Variants in CADPS observed in about 807,000 individuals in gnomAD.
The protein encoded by CADPS is calcium-dependent secretion activator 1.
In CADPS, 57 loss-of-function variants were observed where a neutral mutation model predicts 167.3. That is an observed-to-expected ratio of 0.34 (90% CI 0.28 to 0.42). The LOEUF (loss-of-function observed/expected upper bound fraction) is 0.42. CADPS is among the 20% of genes least tolerant of loss of function. The probability of loss-of-function intolerance (pLI) is 1.00; values close to 1 mark genes in which losing one functional copy is unlikely to be tolerated. For missense variants in CADPS, 1,414 were observed against 1,738.1 expected (o/e 0.81, Z 3.32); for synonymous variants, 676 against 635.3 (o/e 1.06, Z -0.96).
intron 1 of CADPS, among the ~76,000 whole-genome samples, chr3:62,865,705 T>C (rs1328902591): frequency 3.9e-5 from 6 of 152,234 alleles, no homozygotes; most frequent in Admixed American, 3.3e-4. Context: ...TAAGAAGCAG[T>C]TTTACTTTTT....
At chr3:62,747,818 G>T (rs1158150804) in intron 3 of CADPS, among the ~76,000 whole-genome samples, 1 of 152,064 alleles carries the variant, frequency 6.6e-6, no homozygotes, top group Non-Finnish European at 1.5e-5. Context: ...TGCCAGTTGG[G>T]CACATGTAAT....
intron 6 of CADPS, among the ~76,000 whole-genome samples, chr3:62,595,488 T>A (rs1246413242): frequency 6.6e-6 from 1 of 152,190 alleles, no homozygotes; most frequent in Non-Finnish European, 1.5e-5. Context: ...TCCTCAGCTA[T>A]AAAATAAGCT....
intron 2 of CADPS, among the ~76,000 whole-genome samples, chr3:62,761,187 C>T (rs965476070): frequency 1.7e-4 from 26 of 152,134 alleles, no homozygotes; most frequent in African/African-American, 6.0e-4. Context: ...AACAACAATA[C>T]TGGCAACAAC....
chr3:62,419,270 C>G (rs549912935), intron 28 of CADPS, among the ~76,000 whole-genome samples: 1 of 152,120 alleles, frequency 6.6e-6, no homozygotes, highest in Non-Finnish European at 1.5e-5. Flanking sequence ...GGCAGGTGTG[C>G]AGTTTGGGCA....
intron 8 of CADPS, among the ~76,000 whole-genome samples, chr3:62,575,388 C>T (rs926425983): frequency 6.6e-6 from 1 of 152,152 alleles, no homozygotes; most frequent in East Asian, 1.9e-4. Context: ...GATTCATGTG[C>T]AAACTTGGGC....
intron 3 of CADPS, among the ~76,000 whole-genome samples, chr3:62,689,254 T>C (rs1267586476): frequency 6.6e-6 from 1 of 152,084 alleles, no homozygotes; most frequent in Non-Finnish European, 1.5e-5. Flanking sequence ...ATTCCTCCAT[T>C]CCATTTATTT....
In CADPS at chr3:62,466,390, G is replaced by A. The variant is rs372813406; in HGVS notation, c.3501C>T (p.Asp1167=). Residue 1167 remains aspartate (D), a synonymous_variant, in exon 25 of 30, where the codon GAC becomes GAT. Transcript: ENST00000383710. ...GQEHQYHSKI[D]ELIEETVKEM... ...CTTTAACAGTTTCTTCAATTAGTTC[G>A]TCTATTTTTGAATGGTATTGATGCT... The A allele has an allele frequency of 4.7e-5, 75 of 1,610,376 alleles. No homozygotes were observed. In the Middle Eastern group the frequency reaches 5.0e-4, roughly 11 times the overall value.
In CADPS at chr3:62,549,946, C is replaced by T; in HGVS notation, c.1923G>A (p.Lys641=). The change falls in exon 11 of 30, where the codon AAG becomes AAA. Residue 641 remains lysine, a synonymous_variant. Coordinates refer to ENST00000383710, the MANE Select transcript of CADPS (RefSeq NM_003716.4). ...CATCCAGCTGAGGTACATTTCCTCC[C>T]TTGGCGTTGAGTTTCTGGACTTGGG... ...PPTQVQKLNA[K]GGNVPQLDAP... 2.5e-6 allele frequency: 4 copies of T among 1,614,100 alleles called. No homozygotes were observed. The highest frequency in any genetic ancestry group is 3.4e-6 in the Non-Finnish European group (4 of 1,179,966).
intron 1 of CADPS, among the ~76,000 whole-genome samples, chr3:62,853,119 C>T (rs2078958999): frequency 6.6e-6 from 1 of 152,068 alleles, no homozygotes; most frequent in African/African-American, 2.4e-5. Context: ...AGCTGAATTC[C>T]TAAGTGAACA....
At chr3:62,825,210 G>A (rs1352971216) in intron 1 of CADPS, among the ~76,000 whole-genome samples, 1 of 152,130 alleles carries the variant, frequency 6.6e-6, no homozygotes, top group South Asian at 2.1e-4. Context: ...GGTGGGAGGG[G>A]CACCTTTTCC....
intron 13 of CADPS, among the ~76,000 whole-genome samples, chr3:62,520,783 A>G (rs1362663782): frequency 6.6e-6 from 1 of 152,220 alleles, no homozygotes; most frequent in Non-Finnish European, 1.5e-5. Context: ...AGGAATAACA[A>G]CTTGTCAAAG....
At chr3:62,668,323 G>A (rs1186528432) in intron 3 of CADPS, among the ~76,000 whole-genome samples, 1 of 152,180 alleles carries the variant, frequency 6.6e-6, no homozygotes, top group Non-Finnish European at 1.5e-5. Flanking sequence ...GGATAATGTA[G>A]TAACCTCAGA....
rs957906682 is a variant in CADPS, at chr3:62,415,880, CTCTT to C, written c.3778-12699_3778-12696del. 1.2e-4 allele frequency among the ~76,000 whole-genome samples: 18 copies of C among 152,200 alleles called. 1 individual carries two copies. Among genetic ancestry groups the C allele is most frequent in the African/African-American group, 2.4e-4 (10 of 41,478 alleles). Reference sequence around the variant, plus strand: ...GGGAGTGGGGATGCTCTGCAAGTTTCTCTTTCTTTCTTTTTTCTTTCCTTTTTTC... The same window carrying C: ...GGGAGTGGGGATGCTCTGCAAGTTTCTCTTTCTTTTTTCTTTCCTTTTTTC... On this transcript the variant is annotated intron_variant, in intron 28 of 29. Coordinates refer to ENST00000383710, the MANE Select transcript of CADPS (RefSeq NM_003716.4).
chr3:62,836,817 C>T (rs1314243525), intron 1 of CADPS, among the ~76,000 whole-genome samples: 2 of 152,032 alleles, frequency 1.3e-5, no homozygotes, highest in African/African-American at 4.8e-5. Context: ...TCGCCCACCC[C>T]CCGTTGTCAT....
chr3:62,786,058 C>T lies in CADPS; in HGVS notation c.442-20074G>A, dbSNP rs1447883525. Among the ~76,000 whole-genome samples, 5 of 151,610 alleles carry T rather than the reference C, an allele frequency of 3.3e-5. No homozygotes were observed. The South Asian group carries it at 1.0e-3, about 32-fold the overall frequency. ...TGAAACCCCGTCTCTACTAAAAATA[C>T]AAAAATTAGCTGGGCATGGTGGTGC... On this transcript the variant is annotated intron_variant, in intron 1 of 29. Coordinates refer to ENST00000383710, the MANE Select transcript of CADPS (RefSeq NM_003716.4).
rs141626112 is a variant in CADPS, at chr3:62,796,422, A to G, written c.442-30438T>C. ...GTCACAAGCTACCATGCTGTGGCTT[A>G]TTTGAATTTTTAAGAAGCATGCTTA... On this transcript the variant is annotated intron_variant, in intron 1 of 29. Transcript: ENST00000383710. 417 of 152,270 alleles carry G rather than the reference A, an allele frequency of 2.7e-3. 2 individuals carry two copies. Among genetic ancestry groups the G allele is most frequent in the African/African-American group, 9.7e-3 (402 of 41,540 alleles). The allele number at this position is 152,270 out of a possible 1,614,324, so 9.4% of individuals were successfully genotyped here.
intron 27 of CADPS, chr3:62,440,069 C>T (rs998960628): frequency 1.3e-5 from 2 of 152,116 alleles, no homozygotes; most frequent in African/African-American, 2.4e-5. Flanking sequence ...TCTCTCTTAT[C>T]CCACTAGAAC....
intron 9 of CADPS, among the ~76,000 whole-genome samples, chr3:62,568,890 T>G (rs985531269): frequency 7.2e-5 from 11 of 152,214 alleles, no homozygotes; most frequent in African/African-American, 2.7e-4. Context: ...TTTTTAAACC[T>G]TAATTAGCTT....
intron 3 of CADPS, among the ~76,000 whole-genome samples, chr3:62,664,396 C>A (rs556305705): frequency 2.6e-5 from 4 of 152,168 alleles, no homozygotes; most frequent in African/African-American, 9.7e-5. Context: ...TCTAAACAAA[C>A]GTAAAGCACA....
Sources: gnomAD v4.1 joint callset for allele counts (sites outside exome capture counted in the v4.1 genomes callset) on GRCh38, gnomAD v4.1.1 for gene constraint, MANE v1.5 for transcripts, NCBI Gene and HGNC (gene_info 2026-07-23, HGNC 2026-07-21) for gene names.